KAZN: variants seen among roughly 807,000 people sequenced by gnomAD.
KAZN encodes kazrin, periplakin interacting protein, also known as kazrin.
A neutral mutation model predicts 87.4 loss-of-function variants in KAZN; 40 were observed. The observed-to-expected ratio is 0.46, with a 90% confidence interval of 0.36 to 0.60. The LOEUF is 0.60. Among genes scored for constraint, KAZN ranks in the 20% least tolerant of loss-of-function variants. The pLI is 0.00. For synonymous variants in KAZN, 466 were observed against 458.3 expected, an observed-to-expected ratio of 1.02 and a Z score of -0.22; for missense variants, 898 against 1,073.9, an observed-to-expected ratio of 0.84 and a Z score of 2.29.
rs76333810 is a variant in KAZN, at chr1:14,861,016, C to G, written c.227-99668C>G. On this transcript the variant is annotated intron_variant, in intron 1 of 14. Transcript: ENST00000376030. ...TGTGAAGGAAGGGAAAGAGAGAAAC[C>G]AAAGATACAATTTGTGCCCCTAGAA... Among the ~76,000 whole-genome samples, 229 of 152,228 alleles carry G rather than the reference C, an allele frequency of 1.5e-3. 1 individual carries two copies. Among genetic ancestry groups the G allele is most frequent in the African/African-American group, 5.4e-3 (223 of 41,546 alleles).
chr1:14,975,872 A>C (rs972598506), intron 2 of KAZN, among the ~76,000 whole-genome samples: 1 of 152,158 alleles, frequency 6.6e-6, no homozygotes, highest in Non-Finnish European at 1.5e-5. Flanking sequence ...TCTACTAAAA[A>C]TACAAAAAAA....
chr1:14,876,208 T>C (rs558784074), intron 1 of KAZN, among the ~76,000 whole-genome samples: 1 of 152,332 alleles, frequency 6.6e-6, no homozygotes, highest in East Asian at 1.9e-4. Context: ...GTCAGTGTTA[T>C]CAGTTCCCTG....
At chr1:14,327,807 T>C (rs1363621751) in intron 2 of KAZN, among the ~76,000 whole-genome samples, 5 of 152,138 alleles carry the variant, frequency 3.3e-5, no homozygotes, top group African/African-American at 9.7e-5. Context: ...CATACTAAAT[T>C]CACAGGTGGC....
rs182650028 is a variant in KAZN, at chr1:15,028,527, T to C, written c.419-6222T>C. On this transcript the variant is annotated intron_variant, in intron 2 of 14. Transcript: ENST00000376030. ...TATGAGGAAGAAAGGAAGAGTTCCATTGCATCATTTTCATAGCTGTGTGTA... is the reference window on the plus strand; with the variant it reads ...TATGAGGAAGAAAGGAAGAGTTCCACTGCATCATTTTCATAGCTGTGTGTA... 2.1e-3 allele frequency among the ~76,000 whole-genome samples: 321 copies of C among 152,362 alleles called. 1 individual carries two copies. Among genetic ancestry groups the C allele is most frequent in the Non-Finnish European group, 3.4e-3 (234 of 68,032 alleles).
rs1165118672 is a variant in KAZN, at chr1:14,901,011, C to G, written c.227-59673C>G. 2.0e-5 allele frequency among the ~76,000 whole-genome samples: 3 copies of G among 152,302 alleles called. No homozygotes were observed. In the East Asian group the frequency reaches 5.8e-4, roughly 29 times the overall value. ...TCTGTGCCAGGCACTGTCCCAATGG[C>G]CATCATACAGCGGTAACAGGACAGA... On this transcript the variant is annotated intron_variant, in intron 1 of 14. Coordinates refer to ENST00000376030, the MANE Select transcript of KAZN (RefSeq NM_201628.3).
intron 2 of KAZN, among the ~76,000 whole-genome samples, chr1:14,408,911 G>C (rs978110823): frequency 2.0e-5 from 3 of 152,212 alleles, no homozygotes; most frequent in East Asian, 3.9e-4. Context: ...AATAATGGAG[G>C]GGGGGCGTTG....
At chr1:14,512,349 A>G (rs1670950895) in intron 2 of KAZN, among the ~76,000 whole-genome samples, 1 of 152,060 alleles carries the variant, frequency 6.6e-6, no homozygotes, top group African/African-American at 2.4e-5. Context: ...GTAGGATGTC[A>G]TTGTAGGATG....
chr1:14,665,896 G>A (rs1377427430), intron 1 of KAZN, among the ~76,000 whole-genome samples: 2 of 144,646 alleles, frequency 1.4e-5, no homozygotes, highest in African/African-American at 5.3e-5. Context: ...ATTTTCCTTT[G>A]GCAGTTTGGA....
intron 1 of KAZN, among the ~76,000 whole-genome samples, chr1:14,638,979 C>T (rs1680217503): frequency 6.6e-6 from 1 of 152,214 alleles, no homozygotes; most frequent in Non-Finnish European, 1.5e-5. Flanking sequence ...TCCTCCAACC[C>T]TTCCTCAGTT....
intron 2 of KAZN, among the ~76,000 whole-genome samples, chr1:14,431,178 G>C (rs1666047775): frequency 6.6e-6 from 1 of 152,202 alleles, no homozygotes; most frequent in Non-Finnish European, 1.5e-5. Flanking sequence ...ATAATATTAT[G>C]AGTGGGGTAA....
At chr1:13,904,109 T>C (rs1639350729) in intron 1 of KAZN, among the ~76,000 whole-genome samples, 1 of 151,998 alleles carries the variant, frequency 6.6e-6, no homozygotes, top group South Asian at 2.1e-4. Flanking sequence ...CATGGAGCAG[T>C]TGTCTGAAAG....
At chr1:14,765,213 A>G (rs1644854031) in intron 1 of KAZN, among the ~76,000 whole-genome samples, 1 of 152,200 alleles carries the variant, frequency 6.6e-6, no homozygotes, top group Non-Finnish European at 1.5e-5. Flanking sequence ...CATTCTCCCC[A>G]TAGTATGACA....
intron 1 of KAZN, among the ~76,000 whole-genome samples, chr1:14,834,356 CTTTTTTTT>C (rs34228625): frequency 0.014 from 1,240 of 88,672 alleles, 45 homozygotes; most frequent in Admixed American, 0.094. Context: ...AAGTCACTTC[CTTTTTTTT>C]TTTTTTTTTT....
intron 1 of KAZN, among the ~76,000 whole-genome samples, chr1:14,896,678 T>C (rs1450298408): frequency 1.3e-5 from 2 of 149,588 alleles, no homozygotes; most frequent in Non-Finnish European, 2.9e-5. Flanking sequence ...AAGCCCATCT[T>C]TTCTAGGGCC....
chr1:14,874,970 C>T (rs894453413), intron 1 of KAZN, among the ~76,000 whole-genome samples: 1 of 152,074 alleles, frequency 6.6e-6, no homozygotes, highest in South Asian at 2.1e-4. Context: ...AGCCACCTAC[C>T]TCTGCAAGTG....
At chr1:15,002,324 A>T (rs146577693) in intron 2 of KAZN, among the ~76,000 whole-genome samples, 16 of 152,314 alleles carry the variant, frequency 1.1e-4, no homozygotes, top group African/African-American at 3.6e-4. Context: ...GAGTTTACAG[A>T]GAGAAATCTG....
At chr1:14,793,767 C>G (rs139395020) in intron 1 of KAZN, among the ~76,000 whole-genome samples, 2 of 152,202 alleles carry the variant, frequency 1.3e-5, no homozygotes, top group East Asian at 3.9e-4. Flanking sequence ...GCTTTCCTTA[C>G]GCTCTGTGAC....
At chr1:14,017,124 G>A (rs924535279) in intron 1 of KAZN, among the ~76,000 whole-genome samples, 1 of 152,180 alleles carries the variant, frequency 6.6e-6, no homozygotes, top group African/African-American at 2.4e-5. Context: ...GTATTAGGTA[G>A]CATGTTCACA....
intron 1 of KAZN, among the ~76,000 whole-genome samples, chr1:14,765,589 CAGGG>C (rs1644862910): frequency 6.6e-6 from 1 of 152,196 alleles, no homozygotes; most frequent in South Asian, 2.1e-4. Flanking sequence ...ATAGGAGAGA[CAGGG>C]AGAGCCTTCA....
Sources: allele counts gnomAD v4.1 joint callset (sites outside exome capture counted in the v4.1 genomes callset), GRCh38; gene constraint gnomAD v4.1.1; transcripts MANE v1.5; gene names NCBI Gene and HGNC (gene_info 2026-07-23, HGNC 2026-07-21).